The following SLC5A1 variants were observed in gnomAD, a reference collection of about 807,000 sequenced individuals.
SLC5A1 encodes the protein sodium/glucose cotransporter 1.
SLC5A1 carries 42 observed loss-of-function variants against 73.5 expected under a neutral mutation model. The observed-to-expected ratio is 0.57, with a 90% confidence interval of 0.45 to 0.74. The LOEUF is 0.74. SLC5A1 is among the 30% of genes least tolerant of loss of function. SLC5A1 has a pLI of 0.00. For missense variants in SLC5A1, 634 were observed against 855.4 expected, an observed-to-expected ratio of 0.74 and a Z score of 3.23; for synonymous variants, 300 against 317.4, an observed-to-expected ratio of 0.95 and a Z score of 0.58.
intron 1 of SLC5A1, among the ~76,000 whole-genome samples, chr22:32,044,929 G>A (rs2093935185): frequency 6.6e-6 from 1 of 152,156 alleles, no homozygotes. Context: ...GGGCAGCAGT[G>A]GTCAGGTGGG....
chr22:32,097,403 T>C (rs931138199), intron 11 of SLC5A1, among the ~76,000 whole-genome samples: 5 of 152,324 alleles, frequency 3.3e-5, no homozygotes, highest in Admixed American at 2.0e-4. Flanking sequence ...AAAACATTGC[T>C]TTGTGGAGGT....
rs553474499 is a variant in SLC5A1, at chr22:32,094,484, T to A, written c.1280+2722T>A. The stretch of plus-strand genomic sequence containing the variant: ...CCGTCTGGTTCTGGACTTTTTTTGG[T>A]TGGTAATTTTTAAATTACCATTTCA... On this transcript the variant is annotated intron_variant, in intron 11 of 14. Transcript: ENST00000266088. 5.2e-4 allele frequency among the ~76,000 whole-genome samples: 79 copies of A among 152,306 alleles called. 1 individual carries two copies. Among genetic ancestry groups the A allele is most frequent in the Admixed American group, 5.1e-3 (78 of 15,308 alleles).
chr22:32,081,996 A>G (rs1486441924), intron 6 of SLC5A1, 25 bp downstream of exon 6: 2 of 1,451,276 alleles, frequency 1.4e-6, no homozygotes, highest in African/African-American at 2.8e-5. Flanking sequence ...ATAAACCAGC[A>G]CCTCAAACCC....
Position 32,102,167 on chromosome 22 carries a change from T to A in SLC5A1, c.1595T>A (p.Ile532Asn). Residue 532 changes from isoleucine to asparagine, a missense_variant, in exon 13 of 15, where the codon ATC becomes AAC. Physicochemically the swap from Ile to Asn is moderately radical, Grantham distance 149. Around this residue, in one of 3 missense-constraint regions of SLC5A1, gnomAD observed 161 missense variants for 178.7 expected, o/e 0.90. Transcript: ENST00000266088. Reference sequence around the variant, plus strand: ...GTGCACTACTTGTACTTTGCCATTATCCTCTTCGCCATTTCTTTCATCACC... The same window carrying A: ...GTGCACTACTTGTACTTTGCCATTAACCTCTTCGCCATTTCTTTCATCACC... ...CGVHYLYFAIILFAISFITIV... is the reference protein window; with the variant it reads ...CGVHYLYFAINLFAISFITIV... The A allele has an allele frequency of 6.2e-7, 1 of 1,614,114 alleles. No individual in the cohort carries two copies. The highest frequency in any genetic ancestry group is 8.5e-7 in the Non-Finnish European group (1 of 1,180,008).
At chr22:32,078,545 C>T (rs985578108) in intron 5 of SLC5A1, among the ~76,000 whole-genome samples, 8 of 152,196 alleles carry the variant, frequency 5.3e-5, no homozygotes, top group Non-Finnish European at 1.2e-4. Context: ...GCTGGGATTA[C>T]AGGCATAAGC....
intron 13 of SLC5A1, among the ~76,000 whole-genome samples, chr22:32,104,443 G>A (rs2094041549): frequency 6.6e-6 from 1 of 152,154 alleles, no homozygotes; most frequent in African/African-American, 2.4e-5. Context: ...CTGGACAAAT[G>A]GTTGTCTTGT....
chr22:32,062,407 G>C (rs989058060), intron 2 of SLC5A1, among the ~76,000 whole-genome samples: 1 of 152,190 alleles, frequency 6.6e-6, no homozygotes, highest in Admixed American at 6.5e-5. Flanking sequence ...TGCATTTTGT[G>C]ATGTGACATT....
chr22:32,056,843 G>A lies in SLC5A1; in HGVS notation c.207+6829G>A, dbSNP rs190375032. On this transcript the variant is annotated intron_variant, in intron 2 of 14. Transcript: ENST00000266088. ...GACCTTGTTTCCTCAAGGAGAAAAC[G>A]ATGACTCTGTTTCTTTCAGGAAATT... is the stretch of plus-strand genomic sequence containing the variant. Among the ~76,000 whole-genome samples, 76 of 152,324 alleles carry A rather than the reference G, an allele frequency of 5.0e-4. 1 individual carries two copies. In the South Asian group the frequency reaches 5.8e-3, roughly 12 times the overall value.
chr22:32,112,785 G>A lies in SLC5A1; in HGVS notation c.*2572G>A, dbSNP rs924707000. On this transcript the variant is annotated 3_prime_UTR_variant, in exon 15 of 15. Transcript: ENST00000266088. ...AAATGATACAAAGGTTTAGTTAGGT[G>A]GAATAAGTTCAGAAAATCAATTGTA... The A allele has an allele frequency of 6.6e-6, 1 of 152,004 alleles. No homozygotes were observed. Among genetic ancestry groups the A allele is most frequent in the Non-Finnish European group, 1.5e-5 (1 of 68,016 alleles). 9.4% of individuals were successfully genotyped at this position (152,004 alleles called of 1,614,324 possible).
chr22:32,050,488 G>C (rs2093943781), intron 2 of SLC5A1, among the ~76,000 whole-genome samples: 1 of 152,166 alleles, frequency 6.6e-6, no homozygotes, highest in Non-Finnish European at 1.5e-5. Flanking sequence ...GAGACAGAGA[G>C]GGTTTGGGTT....
chr22:32,073,262 G>C (rs1159394047), intron 5 of SLC5A1, among the ~76,000 whole-genome samples: 1 of 152,000 alleles, frequency 6.6e-6, no homozygotes, highest in Admixed American at 6.5e-5. Flanking sequence ...TTTCGCATGT[G>C]GATATCCAGT....
At position 32,112,484 on chromosome 22, in the gene SLC5A1, A is replaced by G. The variant is rs1450228268; in HGVS notation, c.*2271A>G. The G allele has an allele frequency of 1.3e-5, 2 of 152,226 alleles. No homozygotes were observed. Among genetic ancestry groups the G allele is most frequent in the Non-Finnish European group, 2.9e-5 (2 of 68,058 alleles). 9.4% of individuals were successfully genotyped at this position (152,226 alleles called of 1,614,324 possible). ...GGTCCGTAGAAAATGCCCAATAAACATTACTGCTTTCCCCCTCACCCTACT... is the reference window on the plus strand; with the variant it reads ...GGTCCGTAGAAAATGCCCAATAAACGTTACTGCTTTCCCCCTCACCCTACT... On this transcript the variant is annotated 3_prime_UTR_variant, in exon 15 of 15. Transcript: ENST00000266088.
rs200103091 is a variant in SLC5A1, at chr22:32,081,846, C to T, written c.478-20C>T. On this transcript the variant is annotated intron_variant, in intron 5 of 14. Transcript: ENST00000266088. ...AGCTGACCACTCTCCCTCCTAACTC[C>T]GCCTCTCCTCTCCTTCCAGGCAGAC... 79 of 1,549,472 alleles carry T rather than the reference C, an allele frequency of 5.1e-5. No individual in the cohort carries two copies. The highest frequency in any genetic ancestry group is 2.0e-4 in the East Asian group (9 of 44,538).
In SLC5A1 at chr22:32,110,100, A is replaced by T; in HGVS notation, c.1882A>T (p.Met628Leu). The part of the protein sequence containing the change: ...PKMTEEEEKA[M>L]KMKMTDTSEK... ...GATGACTGAGGAAGAGGAGAAAGCC[A>T]TGAAGATGAAGATGACGGACACCTC... Residue 628 changes from methionine (M) to leucine (L), a missense_variant, in exon 15 of 15, where the codon ATG becomes TTG. Physicochemically the swap from Met to Leu is conservative, Grantham distance 15. Around this residue, in one of 3 missense-constraint regions of SLC5A1, gnomAD observed 161 missense variants for 178.7 expected, o/e 0.90. Transcript: ENST00000266088. 1 of 1,614,144 alleles carries T rather than the reference A, an allele frequency of 6.2e-7. No homozygotes were observed. Among genetic ancestry groups the T allele is most frequent in the East Asian group, 2.2e-5 (1 of 44,888 alleles).
At chr22:32,095,318 G>T (rs2094024487) in intron 11 of SLC5A1, among the ~76,000 whole-genome samples, 1 of 152,094 alleles carries the variant, frequency 6.6e-6, no homozygotes, top group African/African-American at 2.4e-5. Flanking sequence ...TATATTCTGT[G>T]GTCAATGGGT....
chr22:32,059,269 A>C (rs1881485059), intron 2 of SLC5A1: 19 of 985,550 alleles, frequency 1.9e-5, no homozygotes, highest in Non-Finnish European at 2.0e-5. Context: ...TATTTGGGGC[A>C]GCAGACTTGT....
At chr22:32,082,011 C>A in intron 6 of SLC5A1, 40 bp downstream of exon 6, 1 of 1,254,264 alleles carries the variant, frequency 8.0e-7, no homozygotes, top group Non-Finnish European at 1.2e-6. Flanking sequence ...AAACCCAGCT[C>A]GGGATCAGGC....
intron 11 of SLC5A1, among the ~76,000 whole-genome samples, chr22:32,092,049 G>A (rs554719661): frequency 1.3e-5 from 2 of 152,106 alleles, no homozygotes; most frequent in South Asian, 2.1e-4. Flanking sequence ...CCCATCACTT[G>A]AGCATTATAC....
chr22:32,060,721 C>T (rs939233612), intron 2 of SLC5A1, among the ~76,000 whole-genome samples: 7 of 152,070 alleles, frequency 4.6e-5, no homozygotes, highest in Non-Finnish European at 1.0e-4. Context: ...AGGTACATGC[C>T]ACCATGCTTG....
Sources: gnomAD v4.1 joint callset for allele counts (sites outside exome capture counted in the v4.1 genomes callset) on GRCh38, gnomAD v4.1.1 for gene constraint, gnomAD v4.1.1 regional missense constraint, MANE v1.5 for transcripts, NCBI Gene and HGNC (gene_info 2026-07-23, HGNC 2026-07-21) for gene names.